Variants in TECTB observed in about 807,000 individuals in gnomAD.
The protein encoded by TECTB is tectorin beta.
TECTB carries 45 observed loss-of-function variants against 43.3 expected under a neutral mutation model. That is an observed-to-expected ratio of 1.04 (90% CI 0.82 to 1.33). TECTB has a LOEUF of 1.33. Among genes scored for constraint, TECTB ranks in the 40% most tolerant of loss-of-function variants. The pLI is 0.00. For missense variants in TECTB, 399 were observed against 404.7 expected (o/e 0.99, Z 0.12); for synonymous variants, 169 against 156.7 (o/e 1.08, Z -0.59).
Position 112,286,312 on chromosome 10 carries a change from T to A in TECTB, c.411-7T>A, listed in dbSNP as rs375424725. The stretch of plus-strand genomic sequence containing the variant: ...AGTCCTTATGCAAAATTCTCTCCCC[T>A]TTTCAGAGTGGCCACTGTTCACGTG... On this transcript the variant is annotated splice_region_variant and splice_polypyrimidine_tract_variant and intron_variant, in intron 4 of 10. Transcript: ENST00000646139. 2 of 1,611,712 alleles carry A rather than the reference T, an allele frequency of 1.2e-6. No homozygotes were observed. The highest frequency in any genetic ancestry group is 1.7e-6 in the Non-Finnish European group (2 of 1,177,996).
At chr10:112,295,119 C>T (rs1026451759) in intron 7 of TECTB, among the ~76,000 whole-genome samples, 1 of 152,156 alleles carries the variant, frequency 6.6e-6, no homozygotes, top group Non-Finnish European at 1.5e-5. Context: ...ACATCATACA[C>T]ATAATTAGCA....
At chr10:112,283,548 G>A (rs1463473037) in intron 1 of TECTB, 52 bp downstream of exon 1, 9 of 590,774 alleles carry the variant, frequency 1.5e-5, no homozygotes, top group Middle Eastern at 4.6e-4. Flanking sequence ...AATTAGAAAC[G>A]ACACAACATC....
chr10:112,293,779 G>A lies in TECTB; in HGVS notation c.525G>A (p.Leu175=), dbSNP rs769984597. 6.2e-7 allele frequency: 1 copy of A among 1,614,082 alleles called. No homozygotes were observed. The change falls in exon 6 of 11, where the codon CTG becomes CTA. Residue 175 remains leucine (L), a synonymous_variant. Transcript: ENST00000646139. ...FSIKKEAPFV[L]EASEIGSDLF... Reference sequence around the variant, plus strand: ...TCAAGAAAGAAGCTCCCTTTGTCCTGGAGGCATCCGAAATCGGTTCAGATC... The same window carrying A: ...TCAAGAAAGAAGCTCCCTTTGTCCTAGAGGCATCCGAAATCGGTTCAGATC...
Position 112,286,221 on chromosome 10 carries a change from G to T in TECTB, c.410+8G>T. The T allele has an allele frequency of 6.2e-7, 1 of 1,614,140 alleles. No individual in the cohort carries two copies. The highest frequency in any genetic ancestry group is 8.5e-7 in the Non-Finnish European group (1 of 1,180,006). On this transcript the variant is annotated splice_region_variant and intron_variant, in intron 4 of 10. Coordinates refer to ENST00000646139, the MANE Select transcript of TECTB (RefSeq NM_058222.3). ...GGCTGCCTTTGACCAGAGGTAAGTT[G>T]CTGTGCGGCATGGAGGGCTGGCTGC...
chr10:112,285,913 C>T (rs1848449941), intron 3 of TECTB, among the ~76,000 whole-genome samples, 158 bp from the exon 4 acceptor site: 2 of 152,172 alleles, frequency 1.3e-5, no homozygotes, highest in Admixed American at 6.5e-5. Context: ...ATTATCAGCT[C>T]ACCCGCAGAC....
chr10:112,287,441 G>T (rs751920961), intron 5 of TECTB, among the ~76,000 whole-genome samples: 4 of 152,246 alleles, frequency 2.6e-5, no homozygotes, highest in Non-Finnish European at 5.9e-5. Context: ...AAAGGAAGAT[G>T]TGGGCAGAAA....
chr10:112,284,652 A>G lies in TECTB; in HGVS notation c.194A>G (p.Glu65Gly). The G allele has an allele frequency of 6.2e-7, 1 of 1,613,646 alleles. No homozygotes were observed. The highest frequency in any genetic ancestry group is 8.5e-7 in the Non-Finnish European group (1 of 1,179,794). The stretch of plus-strand genomic sequence containing the variant: ...GGGCTGTGTTACAATGGGGTCCACG[A>G]AGGAGGTTACTACCAATTTGTGATC... ...LGGLCYNGVH[E>G]GGYYQFVIPD... Residue 65 changes from glutamate to glycine, a missense_variant, in exon 3 of 11, where the codon GAA becomes GGA. Coordinates refer to ENST00000646139, the MANE Select transcript of TECTB (RefSeq NM_058222.3).
intron 5 of TECTB, among the ~76,000 whole-genome samples, chr10:112,290,414 C>T (rs74158711): frequency 0.013 from 1,968 of 152,284 alleles, 58 homozygotes; most frequent in African/African-American, 0.045. Flanking sequence ...TCCAAGCCTT[C>T]CCTGAGCTGT....
At chr10:112,295,476 G>A (rs1053426367) in intron 7 of TECTB, among the ~76,000 whole-genome samples, 1 of 152,230 alleles carries the variant, frequency 6.6e-6, no homozygotes, top group African/African-American at 2.4e-5. Flanking sequence ...TAAGGAGAAG[G>A]CCTGGGATTC....
At chr10:112,285,205 C>G (rs1402560982) in intron 3 of TECTB, among the ~76,000 whole-genome samples, 2 of 152,226 alleles carry the variant, frequency 1.3e-5, no homozygotes, top group African/African-American at 4.8e-5. Flanking sequence ...TATTAGGAAA[C>G]AGACGCCCTC....
At chr10:112,300,286 A>AG (rs1491263748) in intron 9 of TECTB, among the ~76,000 whole-genome samples, 1 of 107,384 alleles carries the variant, frequency 9.3e-6, no homozygotes, top group African/African-American at 3.9e-5. Context: ...AAGAAAAGAA[A>AG]GAAAGAAAGA....
intron 5 of TECTB, among the ~76,000 whole-genome samples, chr10:112,287,556 C>G (rs772323754): frequency 1.3e-5 from 2 of 152,230 alleles, no homozygotes; most frequent in African/African-American, 2.4e-5. Flanking sequence ...CCTCTAACTC[C>G]ATTAACTTTG....
intron 5 of TECTB, among the ~76,000 whole-genome samples, chr10:112,286,886 C>A (rs1848459505): frequency 1.3e-5 from 2 of 152,164 alleles, no homozygotes; most frequent in Non-Finnish European, 2.9e-5. Flanking sequence ...CACACCACTG[C>A]ACTCCAGCCT....
At chr10:112,300,248 A>G (rs58985692) in intron 9 of TECTB, among the ~76,000 whole-genome samples, 1 of 31,240 alleles carries the variant, frequency 3.2e-5, no homozygotes, top group East Asian at 1.1e-3. Flanking sequence ...GAAAGAAAGA[A>G]AGAAAGAAAG....
At chr10:112,298,634 C>T (rs1423884072) in intron 8 of TECTB, among the ~76,000 whole-genome samples, 2 of 152,174 alleles carry the variant, frequency 1.3e-5, no homozygotes, top group South Asian at 2.1e-4. Flanking sequence ...GTGGAAATAA[C>T]TCAAAAGGTG....
At chr10:112,293,708 A>G in intron 5 of TECTB, 30 bp from the exon 6 acceptor site, 1 of 1,599,468 alleles carries the variant, frequency 6.3e-7, no homozygotes, top group Non-Finnish European at 8.6e-7. Context: ...CTGAGAGTTC[A>G]TAATGCCCAG....
intron 5 of TECTB, among the ~76,000 whole-genome samples, chr10:112,290,487 C>T (rs938684881): frequency 6.6e-6 from 1 of 152,166 alleles, no homozygotes; most frequent in Non-Finnish European, 1.5e-5. Flanking sequence ...TTAACGGTGT[C>T]AGCTCTGTTC....
At chr10:112,289,951 A>T (rs1274751652) in intron 5 of TECTB, among the ~76,000 whole-genome samples, 3 of 152,078 alleles carry the variant, frequency 2.0e-5, no homozygotes, top group African/African-American at 7.2e-5. Context: ...TTAACTTGTG[A>T]CACTGGCTAG....
intron 3 of TECTB, 143 bp from the exon 4 acceptor site, chr10:112,285,928 A>C (rs1848450076): frequency 9.7e-7 from 1 of 1,028,302 alleles, no homozygotes; most frequent in African/African-American, 1.6e-5. Flanking sequence ...GCAGACAAGA[A>C]GAGTGGATGC....
Sources: allele counts gnomAD v4.1 joint callset (sites outside exome capture counted in the v4.1 genomes callset), GRCh38; gene constraint gnomAD v4.1.1; transcripts MANE v1.5; gene names NCBI Gene and HGNC (gene_info 2026-07-23, HGNC 2026-07-21).